MYO5B: variants seen among roughly 807,000 people sequenced by gnomAD.
MYO5B encodes the protein unconventional myosin-Vb.
A neutral mutation model predicts 229.3 loss-of-function variants in MYO5B; 143 were observed. The observed-to-expected ratio is 0.62, with a 90% CI of 0.54 to 0.72. The LOEUF is 0.72. Ranked by LOEUF, MYO5B falls within the 30% of genes least tolerant of loss-of-function variation. MYO5B has a pLI of 0.00. For synonymous variants in MYO5B, 918 were observed against 885.2 expected, an observed-to-expected ratio of 1.04 and a Z score of -0.66; for missense variants, 2,321 against 2,331.0, an observed-to-expected ratio of 1.00 and a Z score of 0.09.
At chr18:49,944,267 T>G (rs1223588666) in intron 14 of MYO5B, among the ~76,000 whole-genome samples, 7 of 152,140 alleles carry the variant, frequency 4.6e-5, no homozygotes, top group African/African-American at 7.2e-5. Context: ...GAGCTGTACG[T>G]AGCATAGTCA....
At chr18:50,060,189 A>T (rs1056623192) in intron 1 of MYO5B, among the ~76,000 whole-genome samples, 3 of 152,238 alleles carry the variant, frequency 2.0e-5, no homozygotes, top group African/African-American at 7.2e-5. Flanking sequence ...TTCTCAGTTT[A>T]AACACACACA....
At chr18:49,942,170 T>A (rs535079814) in intron 14 of MYO5B, among the ~76,000 whole-genome samples, 160 of 151,410 alleles carry the variant, frequency 1.1e-3, no homozygotes, top group African/African-American at 3.4e-3. Context: ...TCCTTACACC[T>A]TATACAAAAA....
intron 12 of MYO5B, among the ~76,000 whole-genome samples, chr18:49,957,677 A>AAAAC: frequency 2.0e-5 from 2 of 100,964 alleles, no homozygotes; most frequent in African/African-American, 4.6e-5. Context: ...CAAAACAAAA[A>AAAAC]AAGCCAAAAA....
At chr18:50,152,328 T>TC (rs1323990712) in intron 1 of MYO5B, among the ~76,000 whole-genome samples, 1 of 152,214 alleles carries the variant, frequency 6.6e-6, no homozygotes, top group Non-Finnish European at 1.5e-5. Flanking sequence ...ACGAGGGCAC[T>TC]CCCTGAATGA....
chr18:50,045,255 C>CT (rs1555653901), intron 2 of MYO5B, among the ~76,000 whole-genome samples: 1 of 152,144 alleles, frequency 6.6e-6, no homozygotes, highest in Non-Finnish European at 1.5e-5. Flanking sequence ...GGTTTTCTAT[C>CT]ACTGTGGGAA....
In MYO5B at chr18:49,928,321, G is replaced by A. The variant is rs57587207; in HGVS notation, c.2090+1191C>T. On this transcript the variant is annotated intron_variant, in intron 17 of 39. Coordinates refer to ENST00000285039, the MANE Select transcript of MYO5B (RefSeq NM_001080467.3). The stretch of plus-strand genomic sequence containing the variant: ...TAGAACAACTGCTATGGAAAACAGT[G>A]TGGATATTCCTTAAAGAACTAAGAG... Among the ~76,000 whole-genome samples, 24 of 152,318 alleles carry A rather than the reference G, an allele frequency of 1.6e-4. No homozygotes were observed. In the South Asian group the frequency reaches 4.8e-3, roughly 30 times the overall value.
chr18:50,188,873 G>A (rs2033190431), intron 1 of MYO5B, among the ~76,000 whole-genome samples: 1 of 149,420 alleles, frequency 6.7e-6, no homozygotes, highest in Non-Finnish European at 1.5e-5. Context: ...ATGATTACAG[G>A]TTACAGGCCA....
chr18:50,186,517 G>A (rs941333309), intron 1 of MYO5B, among the ~76,000 whole-genome samples: 4 of 152,080 alleles, frequency 2.6e-5, no homozygotes, highest in Admixed American at 2.0e-4. Context: ...CTTGTCTACC[G>A]CTCTCATAGT....
chr18:50,056,876 A>T (rs1410742400), intron 1 of MYO5B, among the ~76,000 whole-genome samples: 1 of 152,054 alleles, frequency 6.6e-6, no homozygotes, highest in African/African-American at 2.4e-5. Context: ...GCAAACATCA[A>T]CCACTTTGCA....
chr18:49,907,704 T>G (rs1029286055), intron 18 of MYO5B, among the ~76,000 whole-genome samples: 2 of 152,270 alleles, frequency 1.3e-5, no homozygotes, highest in Non-Finnish European at 1.5e-5. Context: ...ATTGGGTTAC[T>G]AGGAGTCGGG....
intron 1 of MYO5B, among the ~76,000 whole-genome samples, chr18:50,133,820 T>G (rs928757914): frequency 1.3e-5 from 2 of 151,986 alleles, no homozygotes; most frequent in African/African-American, 4.8e-5. Context: ...TGATTCTAGA[T>G]GCAAAGTTTG....
chr18:50,071,211 C>T (rs916577316), intron 1 of MYO5B, among the ~76,000 whole-genome samples: 1 of 152,190 alleles, frequency 6.6e-6, no homozygotes, highest in African/African-American at 2.4e-5. Context: ...TCCTCCCTTC[C>T]TCCACTGTTA....
chr18:49,876,272 G>C (rs975150947), intron 25 of MYO5B: 63 of 278,158 alleles, frequency 2.3e-4, no homozygotes, highest in African/African-American at 1.1e-3. Context: ...TCACTTGATT[G>C]CATCTTGAAA....
At chr18:50,071,291 G>A (rs76246669) in intron 1 of MYO5B, among the ~76,000 whole-genome samples, 1,965 of 152,110 alleles carry the variant, frequency 0.013, 36 homozygotes, top group African/African-American at 0.045. Context: ...TTGCCCCAGG[G>A]GTCTCTCTGT....
At chr18:50,120,918 A>C (rs1269101531) in intron 1 of MYO5B, among the ~76,000 whole-genome samples, 1 of 152,170 alleles carries the variant, frequency 6.6e-6, no homozygotes, top group African/African-American at 2.4e-5. Flanking sequence ...GGAGCTTCTA[A>C]GGCCAAACTC....
chr18:49,992,684 G>T (rs2025947028), intron 5 of MYO5B, among the ~76,000 whole-genome samples: 1 of 152,164 alleles, frequency 6.6e-6, no homozygotes, highest in African/African-American at 2.4e-5. Context: ...GGACTACCCA[G>T]GTGCAATGGA....
chr18:50,188,210 CT>C (rs2033176054), intron 1 of MYO5B, among the ~76,000 whole-genome samples: 1 of 152,170 alleles, frequency 6.6e-6, no homozygotes, highest in African/African-American at 2.4e-5. Context: ...TCACTCTCCC[CT>C]GTCTCCTCCT....
intron 1 of MYO5B, among the ~76,000 whole-genome samples, chr18:50,156,803 G>A (rs2032685967): frequency 6.6e-6 from 1 of 152,142 alleles, no homozygotes; most frequent in African/African-American, 2.4e-5. Context: ...CTAAAAGCTA[G>A]AAGTCAGTCT....
intron 12 of MYO5B, among the ~76,000 whole-genome samples, chr18:49,956,093 G>T (rs1790027676): frequency 6.7e-6 from 1 of 148,874 alleles, no homozygotes; most frequent in South Asian, 2.1e-4. Context: ...AACAACCAAG[G>T]TCAAGTGTAT....
Sources: allele counts gnomAD v4.1 joint callset (sites outside exome capture counted in the v4.1 genomes callset), GRCh38; gene constraint gnomAD v4.1.1; transcripts MANE v1.5; gene names NCBI Gene and HGNC (gene_info 2026-07-23, HGNC 2026-07-21).